The following CADPS variants were observed in gnomAD, a reference collection of about 807,000 sequenced individuals.
CADPS encodes calcium dependent secretion activator.
In CADPS, 57 loss-of-function variants were observed where a neutral mutation model predicts 167.3. The observed-to-expected ratio is 0.34, with a 90% CI of 0.28 to 0.42. The LOEUF is 0.42. CADPS is among the 20% of genes least tolerant of loss of function. The probability of loss-of-function intolerance (pLI) is 1.00; values close to 1 mark genes in which losing one functional copy is unlikely to be tolerated. For missense variants in CADPS, 1,414 were observed against 1,738.1 expected, an observed-to-expected ratio of 0.81 and a Z score of 3.32; for synonymous variants, 676 against 635.3, an observed-to-expected ratio of 1.06 and a Z score of -0.96.
rs867204569 is a variant in CADPS at position 62,818,048 on chromosome 3, G to T, written c.442-52064C>A. ...TCTAGGAATTTTCTAGCTTTAGGTT[G>T]ATGTTAAAATTCAGCGCCAAGTCCA... On this transcript the variant is annotated intron_variant, in intron 1 of 29. Coordinates refer to ENST00000383710, the MANE Select transcript of CADPS (RefSeq NM_003716.4). Among the ~76,000 whole-genome samples, 7 of 152,248 alleles carry T rather than the reference G, an allele frequency of 4.6e-5. No individual in the cohort carries two copies. In the Middle Eastern group the frequency reaches 0.02, roughly 444 times the overall value.
At chr3:62,513,798 A>C in intron 16 of CADPS, 5 of 766,228 alleles carry the variant, frequency 6.5e-6, no homozygotes, top group Non-Finnish European at 1.1e-5. Context: ...CATTAGCTCA[A>C]AGGAAAATAG....
rs187570264 is a variant in CADPS at position 62,798,857 on chromosome 3, T to C, written c.442-32873A>G. ...GATCTCACATATAGGAGACATTCAT[T>C]AAGAAATTGTTGAGTAAAGAATGAA... is the stretch of plus-strand genomic sequence containing the variant. On this transcript the variant is annotated intron_variant, in intron 1 of 29. Coordinates refer to ENST00000383710, the MANE Select transcript of CADPS (RefSeq NM_003716.4). Among the ~76,000 whole-genome samples the C allele has an allele frequency of 2.2e-3, 335 of 152,254 alleles. 6 individuals carry two copies. The highest frequency in any genetic ancestry group is 1.7e-3 in the Non-Finnish European group (115 of 68,004).
chr3:62,607,210 G>A (rs2060811168), intron 6 of CADPS, among the ~76,000 whole-genome samples: 1 of 152,162 alleles, frequency 6.6e-6, no homozygotes, highest in Non-Finnish European at 1.5e-5. Context: ...ATAAACACCT[G>A]CCTAATGACT....
At chr3:62,616,325 C>T (rs1263711450) in intron 6 of CADPS, among the ~76,000 whole-genome samples, 1 of 151,846 alleles carries the variant, frequency 6.6e-6, no homozygotes, top group African/African-American at 2.4e-5. Context: ...TGTCTTGTGT[C>T]AGGCACGTAT....
intron 14 of CADPS, among the ~76,000 whole-genome samples, chr3:62,517,881 A>C (rs1420161527): frequency 6.6e-6 from 1 of 152,144 alleles, no homozygotes; most frequent in African/African-American, 2.4e-5. Flanking sequence ...AAGAAGCTTC[A>C]AATTCAACTT....
At chr3:62,641,140 C>T (rs1335024776) in intron 6 of CADPS, among the ~76,000 whole-genome samples, 1 of 151,992 alleles carries the variant, frequency 6.6e-6, no homozygotes, top group African/African-American at 2.4e-5. Context: ...GTCATTGCTA[C>T]AAAAGACAAA....
At position 62,703,020 on chromosome 3, in the gene CADPS, G is replaced by C. The variant is rs1399981192; in HGVS notation, c.889-40626C>G. ...GTGGGATTTTAGCTGAGATATCCTG[G>C]TGCCGGAGCCCATGTTCTCGACTGT... On this transcript the variant is annotated intron_variant, in intron 3 of 29. Transcript: ENST00000383710. 2.6e-5 allele frequency among the ~76,000 whole-genome samples: 4 copies of C among 152,054 alleles called. 1 individual carries two copies. The highest frequency in any genetic ancestry group is 9.7e-5 in the African/African-American group (4 of 41,362).
At chr3:62,401,743 T>TTG (rs1553689928) in intron 29 of CADPS, among the ~76,000 whole-genome samples, 1 of 151,960 alleles carries the variant, frequency 6.6e-6, no homozygotes, top group African/African-American at 2.4e-5. Flanking sequence ...TTTTTTTTTT[T>TTG]TTGTTTTGGC....
chr3:62,684,319 T>C (rs944516801), intron 3 of CADPS, among the ~76,000 whole-genome samples: 5 of 152,094 alleles, frequency 3.3e-5, no homozygotes, highest in East Asian at 3.9e-4. Context: ...CAGTTCCCCT[T>C]GACATATGTC....
chr3:62,542,079 G>GA (rs1334306339), intron 11 of CADPS, among the ~76,000 whole-genome samples: 1 of 152,076 alleles, frequency 6.6e-6, no homozygotes, highest in Non-Finnish European at 1.5e-5. Context: ...CTGGGCTAGT[G>GA]AAAAATTCAC....
At chr3:62,428,202 G>A (rs981613795) in intron 28 of CADPS, among the ~76,000 whole-genome samples, 1 of 150,970 alleles carries the variant, frequency 6.6e-6, no homozygotes. Context: ...CTTCTGAACT[G>A]GGAATTTGGA....
intron 26 of CADPS, among the ~76,000 whole-genome samples, chr3:62,464,490 G>A (rs1022881947): frequency 1.3e-5 from 2 of 152,196 alleles, no homozygotes; most frequent in Non-Finnish European, 2.9e-5. Context: ...AAATGGCAGG[G>A]AAGCATGCAG....
intron 8 of CADPS, among the ~76,000 whole-genome samples, chr3:62,576,835 A>G (rs1415477514): frequency 6.9e-6 from 1 of 145,002 alleles, no homozygotes; most frequent in Non-Finnish European, 1.5e-5. Context: ...TAGTAGAAAG[A>G]GTAAATAATT....
intron 6 of CADPS, among the ~76,000 whole-genome samples, chr3:62,606,121 C>T (rs1287125739): frequency 6.6e-6 from 1 of 152,166 alleles, no homozygotes; most frequent in South Asian, 2.1e-4. Flanking sequence ...CAATGGGATT[C>T]ACACTCTCCT....
At chr3:62,619,488 C>A (rs1478855184) in intron 6 of CADPS, among the ~76,000 whole-genome samples, 1 of 152,096 alleles carries the variant, frequency 6.6e-6, no homozygotes, top group South Asian at 2.1e-4. Context: ...CAAGAAGATG[C>A]TCTCTGTTGA....
At chr3:62,808,322 T>C (rs1420681200) in intron 1 of CADPS, among the ~76,000 whole-genome samples, 1 of 151,878 alleles carries the variant, frequency 6.6e-6, no homozygotes, top group Non-Finnish European at 1.5e-5. Flanking sequence ...AAATGAGACT[T>C]AGAGAGGTCA....
rs149198379 is a variant in CADPS at position 62,640,650 on chromosome 3, T to C, written c.1325+5072A>G. On this transcript the variant is annotated intron_variant, in intron 6 of 29. Transcript: ENST00000383710. Reference sequence around the variant, plus strand: ...ATCCCTGGCAATAATGAAATTCATATGTCACGAAGCCCATGGCCTGTCAGG... The same window carrying C: ...ATCCCTGGCAATAATGAAATTCATACGTCACGAAGCCCATGGCCTGTCAGG... Among the ~76,000 whole-genome samples, 476 of 152,304 alleles carry C rather than the reference T, an allele frequency of 3.1e-3. 3 individuals are homozygous for C. The highest frequency in any genetic ancestry group is 0.011 in the African/African-American group (457 of 41,570).
intron 1 of CADPS, among the ~76,000 whole-genome samples, chr3:62,869,275 G>C (rs562351729): frequency 2.0e-4 from 30 of 151,994 alleles, no homozygotes; most frequent in East Asian, 1.9e-3. Flanking sequence ...TAGCCTCCTA[G>C]ATCCAGCCAT....
intron 1 of CADPS, among the ~76,000 whole-genome samples, chr3:62,836,001 C>T (rs1366391221): frequency 6.6e-6 from 1 of 152,176 alleles, no homozygotes; most frequent in Non-Finnish European, 1.5e-5. Context: ...AGGCATATTG[C>T]CCAAGTGAGA....
Sources: gnomAD v4.1 joint callset for allele counts (sites outside exome capture counted in the v4.1 genomes callset) on GRCh38, gnomAD v4.1.1 for gene constraint, MANE v1.5 for transcripts, NCBI Gene and HGNC (gene_info 2026-07-23, HGNC 2026-07-21) for gene names.